The following TIPRL variants were observed in gnomAD, a reference collection of about 807,000 sequenced individuals.
The protein encoded by TIPRL is TIP41-like protein.
TIPRL carries 10 observed loss-of-function variants against 32.3 expected under a neutral mutation model. That is an observed-to-expected ratio of 0.31 (90% CI 0.19 to 0.52). The LOEUF (loss-of-function observed/expected upper bound fraction) is 0.52. Ranked by LOEUF, TIPRL falls within the 20% of genes least tolerant of loss-of-function variation. TIPRL has a pLI of 0.96. For synonymous variants in TIPRL, 100 were observed against 114.0 expected, an observed-to-expected ratio of 0.88 and a Z score of 0.78; for missense variants, 250 against 328.1, an observed-to-expected ratio of 0.76 and a Z score of 1.84.
At chr1:168,191,029 A>G (rs997570790) in intron 3 of TIPRL, among the ~76,000 whole-genome samples, 1 of 152,228 alleles carries the variant, frequency 6.6e-6, no homozygotes, top group Non-Finnish European at 1.5e-5. Flanking sequence ...ATGACCTTCT[A>G]TGATAGCAGT....
intron 4 of TIPRL, chr1:168,192,434 A>G (rs1700110685): frequency 1.0e-6 from 1 of 996,730 alleles, no homozygotes; most frequent in South Asian, 4.6e-5. Flanking sequence ...TTACCACTGC[A>G]TTATAATTGG....
At chr1:168,180,029 G>T (rs2102303528) in intron 1 of TIPRL, among the ~76,000 whole-genome samples, 1 of 152,280 alleles carries the variant, frequency 6.6e-6, no homozygotes, top group South Asian at 2.1e-4. Flanking sequence ...CCTGGCTAAG[G>T]AGTTTTCAAT....
chr1:168,192,155 G>A, intron 4 of TIPRL: 2 of 1,412,476 alleles, frequency 1.4e-6, no homozygotes. Context: ...TTTTTAAAAT[G>A]ATCCATGTGT....
At position 168,200,323 on chromosome 1, in the gene TIPRL, G is replaced by A. The variant is rs1219265299; in HGVS notation, c.*277G>A. ...TGGGACCTCAGCAGTAGTGATGTGT[G>A]TGTCTCATGAGCAGTGAGCACAGTC... On this transcript the variant is annotated 3_prime_UTR_variant, in exon 7 of 7. Coordinates refer to ENST00000367833, the MANE Select transcript of TIPRL (RefSeq NM_152902.5). 1 of 314,060 alleles carries A rather than the reference G, an allele frequency of 3.2e-6. No homozygotes were observed. The highest frequency in any genetic ancestry group is 6.0e-6 in the Non-Finnish European group (1 of 166,950). The allele number at this position is 314,060 out of a possible 1,614,324, so 19.5% of individuals were successfully genotyped here.
intron 3 of TIPRL, 69 bp downstream of exon 3, chr1:168,184,947 G>A: frequency 1.0e-6 from 1 of 976,414 alleles, no homozygotes; most frequent in Middle Eastern, 2.1e-4. Flanking sequence ...GAACTTTCTA[G>A]TAACGGGTTA....
In TIPRL at chr1:168,179,138, A is replaced by G. The variant is rs761839555; in HGVS notation, c.61A>G (p.Thr21Ala). The change falls in exon 1 of 7, where the codon ACG (threonine) becomes GCG (alanine). Residue 21 changes from threonine (T) to alanine (A), a missense_variant. Transcript: ENST00000367833. ...RDFCFGPWKL[T>A]ASKTHIMKSA... ...TTTCTGCTTCGGGCCCTGGAAGCTG[A>G]CGGCGTCCAAGACCCACATCATGAA... The G allele has an allele frequency of 6.2e-7, 1 of 1,613,894 alleles. No homozygotes were observed. Among genetic ancestry groups the G allele is most frequent in the South Asian group, 1.1e-5 (1 of 91,070 alleles).
chr1:168,197,977 A>G (rs1055823616), intron 5 of TIPRL, among the ~76,000 whole-genome samples: 9 of 152,322 alleles, frequency 5.9e-5, no homozygotes, highest in Admixed American at 5.9e-4. Flanking sequence ...TATTGTTTAT[A>G]ATAGCAGAAA....
chr1:168,186,613 A>G (rs753465361), intron 3 of TIPRL, among the ~76,000 whole-genome samples: 27 of 152,188 alleles, frequency 1.8e-4, no homozygotes, highest in Non-Finnish European at 2.8e-4. Context: ...TATTTATATT[A>G]AAAGTAGCTA....
In TIPRL at chr1:168,184,041, A is replaced by G; in HGVS notation, c.244A>G (p.Met82Val). Residue 82 changes from methionine (M) to valine (V), a missense_variant, in exon 2 of 7, where the codon ATG becomes GTG. Met to Val is a conservative substitution (Grantham distance 21, BLOSUM62 1). Coordinates refer to ENST00000367833, the MANE Select transcript of TIPRL (RefSeq NM_152902.5). The part of the protein sequence containing the change: ...ALRCVNNYQG[M>V]LKVACAEEWQ... The stretch of plus-strand genomic sequence containing the variant: ...AAGATGTGTAAACAACTACCAAGGA[A>G]TGCTTAAAGTGGCCTGTGCTGAAGA... 6.2e-7 allele frequency: 1 copy of G among 1,614,038 alleles called. No individual in the cohort carries two copies. Among genetic ancestry groups the G allele is most frequent in the Non-Finnish European group, 8.5e-7 (1 of 1,179,890 alleles).
At chr1:168,179,682 C>T (rs1320164747) in intron 1 of TIPRL, among the ~76,000 whole-genome samples, 1 of 152,064 alleles carries the variant, frequency 6.6e-6, no homozygotes, top group Non-Finnish European at 1.5e-5. Flanking sequence ...GATGTATACA[C>T]GGAGTGATGT....
chr1:168,186,236 C>T (rs1327690250), intron 3 of TIPRL, among the ~76,000 whole-genome samples: 1 of 152,216 alleles, frequency 6.6e-6, no homozygotes, highest in African/African-American at 2.4e-5. Flanking sequence ...TGGCTCACGC[C>T]TGTAATCCCA....
chr1:168,180,628 G>A (rs933853722), intron 1 of TIPRL, among the ~76,000 whole-genome samples: 1 of 152,056 alleles, frequency 6.6e-6, no homozygotes, highest in African/African-American at 2.4e-5. Context: ...GACCAGGGAA[G>A]AGAGGAAAGT....
At chr1:168,179,210 G>A in intron 1 of TIPRL, 29 bp downstream of exon 1, 6 of 1,606,112 alleles carry the variant, frequency 3.7e-6, no homozygotes, top group Non-Finnish European at 5.1e-6. Context: ...GGGTCTGGGC[G>A]CTGGCCGGTT....
chr1:168,179,128 C>T lies in TIPRL; in HGVS notation c.51C>T (p.Pro17=). The change falls in exon 1 of 7, where the codon CCC becomes CCT. Residue 17 remains proline (P), a synonymous_variant. Coordinates refer to ENST00000367833, the MANE Select transcript of TIPRL (RefSeq NM_152902.5). ...QSSHRDFCFG[P]WKLTASKTHI... ...GCCACCGGGATTTCTGCTTCGGGCC[C>T]TGGAAGCTGACGGCGTCCAAGACCC... The T allele has an allele frequency of 1.2e-6, 2 of 1,614,056 alleles. No individual in the cohort carries two copies. The highest frequency in any genetic ancestry group is 1.7e-6 in the Non-Finnish European group (2 of 1,179,970).
intron 1 of TIPRL, among the ~76,000 whole-genome samples, chr1:168,181,464 G>A (rs545541987): frequency 4.6e-5 from 7 of 151,478 alleles, no homozygotes; most frequent in East Asian, 2.0e-4. Flanking sequence ...ACCTGCCCTC[G>A]GCCTCCCAAA....
chr1:168,196,423 A>T, intron 4 of TIPRL, 124 bp from the exon 5 acceptor site: 1 of 559,036 alleles, frequency 1.8e-6, no homozygotes, highest in Non-Finnish European at 2.9e-6. Context: ...GATTTTTATA[A>T]ACTGTGAATT....
chr1:168,197,604 C>T (rs775066129), intron 5 of TIPRL, among the ~76,000 whole-genome samples: 4 of 152,168 alleles, frequency 2.6e-5, no homozygotes, highest in Non-Finnish European at 4.4e-5. Flanking sequence ...ACTGCAACCT[C>T]TGCTTCCTGA....
At chr1:168,187,132 TTCC>T (rs1310952432) in intron 3 of TIPRL, among the ~76,000 whole-genome samples, 3 of 152,198 alleles carry the variant, frequency 2.0e-5, no homozygotes, top group African/African-American at 7.2e-5. Flanking sequence ...CAGACAAAAA[TTCC>T]TCCTTTACAG....
intron 6 of TIPRL, 71 bp from the exon 7 acceptor site, chr1:168,199,832 T>G: frequency 6.6e-7 from 1 of 1,520,644 alleles, no homozygotes; most frequent in Non-Finnish European, 8.9e-7. Context: ...TATGAATGCT[T>G]GAACCAAAAC....
Sources: allele counts gnomAD v4.1 joint callset (sites outside exome capture counted in the v4.1 genomes callset), GRCh38; gene constraint gnomAD v4.1.1; transcripts MANE v1.5; gene names NCBI Gene and HGNC (gene_info 2026-07-23, HGNC 2026-07-21).